CELF2: variants seen among roughly 807,000 people sequenced by gnomAD.
CELF2 encodes the protein CUG triplet repeat RNA-binding protein 2.
CELF2 carries 8 observed loss-of-function variants against 62.6 expected under a neutral mutation model. That is an observed-to-expected ratio of 0.13 (90% confidence interval 0.07 to 0.23). The LOEUF (loss-of-function observed/expected upper bound fraction) is 0.23. CELF2 is among the 10% of genes least tolerant of loss of function. The pLI is 1.00. For missense variants in CELF2, 333 were observed against 671.0 expected (o/e 0.50, Z 5.56); for synonymous variants, 258 against 250.0 (o/e 1.03, Z -0.30).
At chr10:10,849,194 C>T (rs1433201421) in intron 1 of CELF2, among the ~76,000 whole-genome samples, 1 of 149,950 alleles carries the variant, frequency 6.7e-6, no homozygotes, top group Admixed American at 6.7e-5. Flanking sequence ...GTCAGGAGTT[C>T]GAGACCAGCC....
At position 10,934,920 on chromosome 10, in the gene CELF2, A is replaced by C. The variant is rs1808581332; in HGVS notation, c.89+14921A>C. ...TGATAGAGATTCCTTAAGAAAAAATAATGTTACTGCAGAGATAAATGCAAT... is the reference window on the plus strand; with the variant it reads ...TGATAGAGATTCCTTAAGAAAAAATCATGTTACTGCAGAGATAAATGCAAT... On this transcript the variant is annotated intron_variant, in intron 2 of 13. Transcript: ENST00000636488. This position sits in a 1 kb window ranked among gnomAD's most constrained non-coding sequence, Gnocchi z 4.4. 6.6e-6 allele frequency: 1 copy of C among 152,230 alleles called. No homozygotes were observed. The highest frequency in any genetic ancestry group is 2.4e-5 in the African/African-American group (1 of 41,458). 9.4% of individuals were successfully genotyped at this position (152,230 alleles called of 1,614,324 possible).
At chr10:10,811,064 T>C (rs942544715) in intron 1 of CELF2, among the ~76,000 whole-genome samples, 1 of 152,182 alleles carries the variant, frequency 6.6e-6, no homozygotes, top group Non-Finnish European at 1.5e-5. Context: ...TACAGACATG[T>C]GTTCGGAGCC....
At chr10:10,863,731 C>T (rs910080832) in intron 1 of CELF2, among the ~76,000 whole-genome samples, 2 of 152,112 alleles carry the variant, frequency 1.3e-5, no homozygotes, top group Non-Finnish European at 2.9e-5. Flanking sequence ...TGACTTAGAC[C>T]TTTCTTTATA....
At chr10:10,546,453 A>G in the CELF2 span, among the ~76,000 whole-genome samples, 1 of 152,124 alleles carries the variant, frequency 6.6e-6, no homozygotes, top group Non-Finnish European at 1.5e-5. Flanking sequence ...GTCATTGGTG[A>G]GTTTAAGCCT....
In CELF2 at chr10:10,869,290, G is replaced by A. The variant is rs368730047; in HGVS notation, c.54-50674G>A. Among the ~76,000 whole-genome samples the A allele has an allele frequency of 1.8e-4, 28 of 152,264 alleles. 2 individuals are homozygous for A. The East Asian group carries it at 4.8e-3, about 26-fold the overall frequency. On this transcript the variant is annotated intron_variant, in intron 1 of 13. Transcript: ENST00000636488. ...TAGAAACTAAAATAACAGGTGGGGC[G>A]CGGTGGCTCACATCTGTAATCCCAG...
the CELF2 span, among the ~76,000 whole-genome samples, chr10:10,785,648 C>T: frequency 6.6e-6 from 1 of 152,234 alleles, no homozygotes; most frequent in African/African-American, 2.4e-5. Flanking sequence ...TGCATGGTCT[C>T]CCTTATATGT....
At chr10:10,866,557 A>G (rs1186337545) in intron 1 of CELF2, among the ~76,000 whole-genome samples, 2 of 148,624 alleles carry the variant, frequency 1.3e-5, no homozygotes, top group Non-Finnish European at 3.0e-5. Flanking sequence ...GTGAGCCGAA[A>G]TCGTGCCACT....
rs958869621 is a variant in CELF2, at chr10:11,110,340, T to A, written c.75-55146T>A. 3.3e-5 allele frequency among the ~76,000 whole-genome samples: 5 copies of A among 152,316 alleles called. No individual in the cohort carries two copies. The highest frequency in any genetic ancestry group is 1.2e-4 in the African/African-American group (5 of 41,570). ...CATCTTTAGATGTATTACTAGAGTG[T>A]GATTTTCTGTGTGAGTATTCATCCC... On this transcript the variant is annotated intron_variant, in intron 1 of 12. Transcript: ENST00000633077. This position sits in a 1 kb window ranked among gnomAD's most constrained non-coding sequence, Gnocchi z 4.0.
chr10:10,949,826 C>CAAA (rs35952853), intron 2 of CELF2, among the ~76,000 whole-genome samples: 21 of 82,206 alleles, frequency 2.6e-4, no homozygotes, highest in African/African-American at 6.1e-4. Flanking sequence ...ACACACACAC[C>CAAA]AAAAAAAAAA....
At chr10:10,816,197 G>A (rs941635985) in intron 1 of CELF2, among the ~76,000 whole-genome samples, 4 of 152,156 alleles carry the variant, frequency 2.6e-5, no homozygotes, top group Non-Finnish European at 5.9e-5. Flanking sequence ...TCAGACAAGA[G>A]ACAAATAAGC....
intron 1 of CELF2, among the ~76,000 whole-genome samples, chr10:10,890,563 T>G (rs529340187): frequency 2.6e-5 from 4 of 152,386 alleles, no homozygotes; most frequent in African/African-American, 9.6e-5. Context: ...TTTGCTCATT[T>G]GTTGAAAGTA....
intron 9 of CELF2, among the ~76,000 whole-genome samples, chr10:11,310,380 G>A (rs1241669514): frequency 6.6e-6 from 1 of 152,178 alleles, no homozygotes. Context: ...AGGGAAGGGA[G>A]CAGGTTGTGG....
At chr10:10,479,868 C>T in the CELF2 span, among the ~76,000 whole-genome samples, 4 of 152,194 alleles carry the variant, frequency 2.6e-5, no homozygotes, top group African/African-American at 9.7e-5. Context: ...CGATTAGTCA[C>T]AATTTAACCC....
chr10:10,680,581 C>T, the CELF2 span, among the ~76,000 whole-genome samples: 1 of 152,216 alleles, frequency 6.6e-6, no homozygotes, highest in Admixed American at 6.5e-5. Flanking sequence ...TATTAGGGCC[C>T]AGTTACATAA....
At chr10:11,189,410 C>G (rs1482611346) in intron 2 of CELF2, among the ~76,000 whole-genome samples, 2 of 152,194 alleles carry the variant, frequency 1.3e-5, no homozygotes, top group African/African-American at 4.8e-5. Context: ...CAAGCTCTAC[C>G]TTTTAATTGG....
At chr10:10,793,631 G>A (rs1013420715), upstream of CELF2, among the ~76,000 whole-genome samples, 3 of 152,280 alleles carry the variant, frequency 2.0e-5, no homozygotes, top group East Asian at 1.9e-4. Flanking sequence ...ATCTTAGGAC[G>A]AGAAGACCGT....
At chr10:10,770,911 G>A in the CELF2 span, among the ~76,000 whole-genome samples, 1 of 152,158 alleles carries the variant, frequency 6.6e-6, no homozygotes, top group Non-Finnish European at 1.5e-5. Context: ...CACCTGTGGT[G>A]CTGTTTAAAT....
At chr10:11,050,503 G>T (rs1475212908) in intron 1 of CELF2, among the ~76,000 whole-genome samples, 1 of 152,142 alleles carries the variant, frequency 6.6e-6, no homozygotes, top group Non-Finnish European at 1.5e-5. Flanking sequence ...ATTTGGTTCT[G>T]CTGGACTGTA....
At chr10:11,006,478 T>C (rs1407584307) in intron 1 of CELF2, among the ~76,000 whole-genome samples, 1 of 152,246 alleles carries the variant, frequency 6.6e-6, no homozygotes, top group Non-Finnish European at 1.5e-5. Flanking sequence ...TTGAGAATGC[T>C]TGTAATACCA....
Sources: gnomAD v4.1 joint callset for allele counts (sites outside exome capture counted in the v4.1 genomes callset) on GRCh38, gnomAD v4.1.1 for gene constraint, Gnocchi (gnomAD v3.1) non-coding constraint, MANE v1.5 for transcripts, NCBI Gene and HGNC (gene_info 2026-07-23, HGNC 2026-07-21) for gene names.